Variants in CHRM2 observed in about 807,000 individuals in gnomAD.
CHRM2 encodes muscarinic acetylcholine receptor M2.
CHRM2 carries 8 observed loss-of-function variants against 25.0 expected under a neutral mutation model. The observed-to-expected ratio is 0.32, with a 90% CI of 0.19 to 0.58. CHRM2 has a LOEUF of 0.58. Ranked by LOEUF, CHRM2 falls within the 20% of genes least tolerant of loss-of-function variation. The pLI, the probability that CHRM2 is intolerant of heterozygous loss-of-function variation, is 0.88. For missense variants in CHRM2, 440 were observed against 567.1 expected (o/e 0.78, Z 2.28); for synonymous variants, 202 against 205.7 (o/e 0.98, Z 0.15).
intron 3 of CHRM2, among the ~76,000 whole-genome samples, chr7:136,993,733 A>C (rs1803385985): frequency 6.6e-6 from 1 of 152,160 alleles, no homozygotes; most frequent in Non-Finnish European, 1.5e-5. Flanking sequence ...TAGCCTCAGA[A>C]CCCATTCCAA....
rs1584708994 is a variant in CHRM2 at position 136,894,482 on chromosome 7, CTG to C, written c.-125+25065_-125+25066del. Among the ~76,000 whole-genome samples, 33 of 152,206 alleles carry C rather than the reference CTG, an allele frequency of 2.2e-4. No individual in the cohort carries two copies. In the South Asian group the frequency reaches 4.6e-3, roughly 21 times the overall value. On this transcript the variant is annotated intron_variant, in intron 2 of 3. Coordinates refer to ENST00000680005, the MANE Select transcript of CHRM2 (RefSeq NM_001006630.2). ...TGCCTCCCAGGTTCAAGCAATTCTC[CTG>C]CCTCAGCCTCCCGAGTAGGTGAGAT...
chr7:136,956,950 T>C (rs990275622), intron 2 of CHRM2, among the ~76,000 whole-genome samples: 7 of 152,018 alleles, frequency 4.6e-5, no homozygotes, highest in African/African-American at 1.2e-4. Flanking sequence ...ACATGTGACA[T>C]AATGTGAGGT....
rs978744283 is a variant in CHRM2, at chr7:136,924,128, CAA to C, written c.-125+54712_-125+54713del. Among the ~76,000 whole-genome samples, 115 of 151,834 alleles carry C rather than the reference CAA, an allele frequency of 7.6e-4. 1 individual carries two copies. The highest frequency in any genetic ancestry group is 2.7e-3 in the African/African-American group (112 of 41,166). Reference sequence around the variant, plus strand: ...AAAAATAACTTCCTGTCTGTTCACCCAAATACATATGTTTCCTAAGAAACAAC... The same window carrying C: ...AAAAATAACTTCCTGTCTGTTCACCCATACATATGTTTCCTAAGAAACAAC... On this transcript the variant is annotated intron_variant, in intron 2 of 3. Transcript: ENST00000680005.
Position 136,868,745 on chromosome 7 carries a change from GGC to G in CHRM2, c.-529_-528del. The stretch of plus-strand genomic sequence containing the variant: ...CGCAAAGACCTAGGGAGCGCGCGCG[GGC>G]ACACACACACACACACACACACACA... On this transcript the variant is annotated 5_prime_UTR_variant, in exon 1 of 4. Coordinates refer to ENST00000680005, the MANE Select transcript of CHRM2 (RefSeq NM_001006630.2). The G allele has an allele frequency of 9.4e-6, 1 of 106,586 alleles. No individual in the cohort carries two copies. The highest frequency in any genetic ancestry group is 1.0e-4 in the Admixed American group (1 of 9,526). The allele number at this position is 106,586 out of a possible 1,614,324, so 6.6% of individuals were successfully genotyped here.
rs118021489 is a variant in CHRM2 at position 136,980,826 on chromosome 7, C to T, written c.-124-11361C>T. On this transcript the variant is annotated intron_variant, in intron 2 of 3. Coordinates refer to ENST00000680005, the MANE Select transcript of CHRM2 (RefSeq NM_001006630.2). ...CATAGTGGATAAGCTTTTTAACGTG[C>T]TGCTGGATTCAATTTGCCAGTATTT... 8.1e-3 allele frequency among the ~76,000 whole-genome samples: 1,228 copies of T among 152,290 alleles called. 5 individuals carry two copies. The highest frequency in any genetic ancestry group is 0.024 in the Middle Eastern group (7 of 294).
intron 2 of CHRM2, among the ~76,000 whole-genome samples, chr7:136,916,203 T>C (rs1459408047): frequency 6.6e-6 from 1 of 151,842 alleles, no homozygotes; most frequent in East Asian, 1.9e-4. Flanking sequence ...AGTGTATCAA[T>C]TAAACGCAGT....
chr7:136,938,298 G>T, intron 2 of CHRM2: 2 of 1,133,440 alleles, frequency 1.8e-6, no homozygotes, highest in South Asian at 1.2e-5. Context: ...TAAGGTTGTT[G>T]ATGTAGCTCT....
chr7:136,901,816 A>G (rs535365311), intron 2 of CHRM2: 22 of 152,066 alleles, frequency 1.4e-4, no homozygotes, highest in African/African-American at 5.3e-4. Context: ...TTCTTTCCCA[A>G]TAATACAGGG....
At chr7:136,879,787 T>A (rs1325167962) in intron 2 of CHRM2, among the ~76,000 whole-genome samples, 1 of 151,966 alleles carries the variant, frequency 6.6e-6, no homozygotes, top group Non-Finnish European at 1.5e-5. Flanking sequence ...TCTATCTCTG[T>A]AAGAATTTAC....
At chr7:137,004,600 T>C (rs1003950561) in intron 3 of CHRM2, among the ~76,000 whole-genome samples, 3 of 152,160 alleles carry the variant, frequency 2.0e-5, no homozygotes, top group East Asian at 1.9e-4. Context: ...TTCAATTATG[T>C]TGTGATTCCC....
intron 2 of CHRM2, among the ~76,000 whole-genome samples, chr7:136,967,035 A>G (rs1801462500): frequency 1.3e-5 from 2 of 152,020 alleles, no homozygotes; most frequent in South Asian, 4.1e-4. Flanking sequence ...TGATCTAGGA[A>G]CAATAATGAT....
intron 2 of CHRM2, among the ~76,000 whole-genome samples, chr7:136,975,544 G>T (rs1411100117): frequency 2.0e-5 from 3 of 152,112 alleles, no homozygotes; most frequent in Non-Finnish European, 4.4e-5. Flanking sequence ...ATACTAATCT[G>T]CAATTTCCCC....
At chr7:136,910,497 T>C (rs566812394) in intron 2 of CHRM2, among the ~76,000 whole-genome samples, 1 of 152,026 alleles carries the variant, frequency 6.6e-6, no homozygotes, top group South Asian at 2.1e-4. Flanking sequence ...ACTACACCTG[T>C]CACCTTTGTA....
intron 2 of CHRM2, among the ~76,000 whole-genome samples, chr7:136,879,825 G>C (rs771737730): frequency 2.6e-5 from 4 of 151,746 alleles, no homozygotes; most frequent in Non-Finnish European, 5.9e-5. Flanking sequence ...TTATCATCTA[G>C]CATTAGGAAA....
rs549102099 is a variant in CHRM2 at position 136,988,083 on chromosome 7, A to C, written c.-124-4104A>C. Among the ~76,000 whole-genome samples the C allele has an allele frequency of 2.5e-4, 37 of 150,642 alleles. No individual in the cohort carries two copies. In the South Asian group the frequency reaches 6.4e-3, roughly 26 times the overall value. ...TACATATATGAATATATAAAAATTT[A>C]TGTATGTAAATATATGTATATTTAG... On this transcript the variant is annotated intron_variant, in intron 2 of 3. Transcript: ENST00000680005.
intron 2 of CHRM2, among the ~76,000 whole-genome samples, chr7:136,977,577 A>G (rs1650377125): frequency 6.6e-6 from 1 of 152,220 alleles, no homozygotes. Context: ...TTGAGGTATC[A>G]GAAAAGGTTT....
chr7:136,948,718 C>A (rs1800213430), intron 2 of CHRM2, among the ~76,000 whole-genome samples: 1 of 152,142 alleles, frequency 6.6e-6, no homozygotes, highest in Non-Finnish European at 1.5e-5. Context: ...TGAGTCCTTT[C>A]TTCCACCACA....
chr7:136,917,255 C>T (rs1350729911), intron 2 of CHRM2, among the ~76,000 whole-genome samples: 2 of 151,712 alleles, frequency 1.3e-5, no homozygotes, highest in East Asian at 1.9e-4. Flanking sequence ...TTTCTCCTCT[C>T]TTCCTTCCTT....
chr7:136,886,716 A>C (rs768130319), intron 2 of CHRM2, among the ~76,000 whole-genome samples: 1 of 151,986 alleles, frequency 6.6e-6, no homozygotes, highest in South Asian at 2.1e-4. Flanking sequence ...AAATACAAAA[A>C]AAAAATCTAG....
Sources: allele counts gnomAD v4.1 joint callset (sites outside exome capture counted in the v4.1 genomes callset), GRCh38; gene constraint gnomAD v4.1.1; transcripts MANE v1.5; gene names NCBI Gene and HGNC (gene_info 2026-07-23, HGNC 2026-07-21).